Variants in MTSS1 observed in about 807,000 individuals in gnomAD.
MTSS1 encodes protein MTSS 1.
MTSS1 carries 18 observed loss-of-function variants against 79.0 expected under a neutral mutation model. The ratio of observed to expected loss-of-function variants is 0.23; its 90% CI spans 0.16 to 0.34. MTSS1 has a LOEUF of 0.34. Ranked by LOEUF, MTSS1 falls within the 10% of genes least tolerant of loss-of-function variation. The pLI, the probability that MTSS1 is intolerant of heterozygous loss-of-function variation, is 1.00. For missense variants in MTSS1, 815 were observed against 986.2 expected, an observed-to-expected ratio of 0.83 and a Z score of 2.33; for synonymous variants, 341 against 368.6, an observed-to-expected ratio of 0.93 and a Z score of 0.86.
intron 1 of MTSS1, among the ~76,000 whole-genome samples, chr8:124,706,596 GC>G (rs1427158243): frequency 6.6e-6 from 1 of 152,220 alleles, no homozygotes; most frequent in African/African-American, 2.4e-5. Context: ...CTAAGCAACA[GC>G]CGGGCAAGAA....
chr8:124,657,718 T>C (rs147303041), intron 3 of MTSS1, among the ~76,000 whole-genome samples: 25 of 152,320 alleles, frequency 1.6e-4, no homozygotes, highest in African/African-American at 3.1e-4. Flanking sequence ...CTTCTGATGA[T>C]ACACAGTGCC....
At chr8:124,603,563 A>G (rs1440876628) in intron 3 of MTSS1, among the ~76,000 whole-genome samples, 4 of 152,180 alleles carry the variant, frequency 2.6e-5, no homozygotes, top group Non-Finnish European at 5.9e-5. Context: ...TCAGCATTTT[A>G]TTTTTACCCT....
intron 2 of MTSS1, among the ~76,000 whole-genome samples, 167 bp from the exon 3 acceptor site, chr8:124,699,766 T>C (rs1406060204): frequency 6.6e-6 from 1 of 152,212 alleles, no homozygotes; most frequent in Non-Finnish European, 1.5e-5. Flanking sequence ...TTTTTCCAAG[T>C]ACTCCACCCG....
intron 5 of MTSS1, among the ~76,000 whole-genome samples, chr8:124,588,061 C>T (rs1344822988): frequency 6.6e-6 from 1 of 152,138 alleles, no homozygotes; most frequent in Non-Finnish European, 1.5e-5. Flanking sequence ...CATGCACGGG[C>T]ATGAAATACG....
rs1300797183 is a variant in MTSS1 at position 124,553,633 on chromosome 8, C to T, written c.1627G>A (p.Asp543Asn). The change falls in exon 14 of 14, where the codon GAC (aspartate) becomes AAC (asparagine). Residue 543 changes from aspartate (D) to asparagine (N), a missense_variant. Coordinates refer to ENST00000518547, the MANE Select transcript of MTSS1 (RefSeq NM_014751.6). This position sits in a 1 kb window ranked among gnomAD's most constrained non-coding sequence, Gnocchi z 6.0. Reference protein sequence around the residue: ...GDQEADQQEFDKSSTIPRNSD... With the variant: ...GDQEADQQEFNKSSTIPRNSD... ...TTTCTTGGAATGGTGGAGGACTTGT[C>T]GAACTCCTGCTGATCTGCCTCCTGG... is the stretch of plus-strand genomic sequence containing the variant. The T allele has an allele frequency of 5.0e-6, 8 of 1,613,946 alleles. No homozygotes were observed. The highest frequency in any genetic ancestry group is 2.7e-5 in the African/African-American group (2 of 74,900).
At chr8:124,717,758 C>T (rs1465824682) in intron 1 of MTSS1, among the ~76,000 whole-genome samples, 1 of 152,034 alleles carries the variant, frequency 6.6e-6, no homozygotes, top group Non-Finnish European at 1.5e-5. Context: ...TTCCCCATTG[C>T]ACATAATCCT....
chr8:124,626,584 G>C (rs1362597372), intron 3 of MTSS1, among the ~76,000 whole-genome samples: 7 of 152,090 alleles, frequency 4.6e-5, no homozygotes, highest in Admixed American at 3.3e-4. Context: ...GGGCTGGAGG[G>C]GGGCAGAGTG....
At chr8:124,573,811 T>G (rs547502089) in intron 6 of MTSS1, among the ~76,000 whole-genome samples, 1 of 152,340 alleles carries the variant, frequency 6.6e-6, no homozygotes, top group Admixed American at 6.5e-5. Flanking sequence ...TTTGTTTTTT[T>G]CCTGGTGCTA....
rs1822998531 is a variant in MTSS1, at chr8:124,553,795, A to T, written c.1568-103T>A. On this transcript the variant is annotated intron_variant, in intron 13 of 13. Transcript: ENST00000518547. This position sits in a 1 kb window ranked among gnomAD's most constrained non-coding sequence, Gnocchi z 6.0. ...GGCACGCAAGGCAGGGTACACACAC[A>T]GTCTCATCCCAAGCTTCCCCCAGGC... is the stretch of plus-strand genomic sequence containing the variant. 2 of 1,001,966 alleles carry T rather than the reference A, an allele frequency of 2.0e-6. No individual in the cohort carries two copies. Among genetic ancestry groups the T allele is most frequent in the Non-Finnish European group, 1.4e-6 (1 of 697,462 alleles). 62.1% of individuals were successfully genotyped at this position (1,001,966 alleles called of 1,614,324 possible).
At chr8:124,616,140 T>C (rs1051064776) in intron 3 of MTSS1, among the ~76,000 whole-genome samples, 4 of 152,248 alleles carry the variant, frequency 2.6e-5, no homozygotes, top group Middle Eastern at 3.4e-3. Flanking sequence ...AACCAACACA[T>C]TCAACATGAA....
intron 5 of MTSS1, among the ~76,000 whole-genome samples, chr8:124,588,570 T>C (rs191123767): frequency 6.6e-6 from 1 of 152,324 alleles, no homozygotes; most frequent in Admixed American, 6.5e-5. Flanking sequence ...CAAAGACTTG[T>C]CTCACCGACC....
At chr8:124,583,056 T>A (rs1037780744) in intron 6 of MTSS1, among the ~76,000 whole-genome samples, 9 of 152,230 alleles carry the variant, frequency 5.9e-5, no homozygotes, top group African/African-American at 1.9e-4. Context: ...TCTGGTGGTA[T>A]CTTGAAGTAA....
intron 2 of MTSS1, among the ~76,000 whole-genome samples, chr8:124,702,920 G>A (rs569825601): frequency 6.6e-6 from 1 of 152,142 alleles, no homozygotes; most frequent in Non-Finnish European, 1.5e-5. Context: ...AGATGCCAAC[G>A]TATTTTCTAT....
Position 124,707,998 on chromosome 8 carries a change from AG to A in MTSS1, c.73-3808del, listed in dbSNP as rs372010953. Among the ~76,000 whole-genome samples the A allele has an allele frequency of 7.5e-4, 115 of 152,384 alleles. 4 individuals carry two copies. In the South Asian group the frequency reaches 0.023, roughly 31 times the overall value. ...GTCACAGCCCTGCCAGTCATGGACT[AG>A]GGGAAATCATTTCACTTCTCAGGGA... On this transcript the variant is annotated intron_variant, in intron 1 of 13. Coordinates refer to ENST00000518547, the MANE Select transcript of MTSS1 (RefSeq NM_014751.6).
At chr8:124,631,368 C>T (rs1006439813) in intron 3 of MTSS1, among the ~76,000 whole-genome samples, 2 of 152,186 alleles carry the variant, frequency 1.3e-5, no homozygotes, top group Non-Finnish European at 2.9e-5. Context: ...GACATGAGCC[C>T]TTCTGGACCC....
At chr8:124,564,771 G>C (rs573243430) in intron 9 of MTSS1, 1 of 149,856 alleles carries the variant, frequency 6.7e-6, no homozygotes, top group South Asian at 2.1e-4. Flanking sequence ...AGAATGTCCA[G>C]GATGCAGCGT....
chr8:124,723,189 G>A (rs1434213846), intron 1 of MTSS1, among the ~76,000 whole-genome samples: 1 of 152,110 alleles, frequency 6.6e-6, no homozygotes, highest in Non-Finnish European at 1.5e-5. Flanking sequence ...CAATTTTTTA[G>A]TATATCTGAA....
intron 3 of MTSS1, among the ~76,000 whole-genome samples, chr8:124,607,520 G>C (rs1245243339): frequency 6.6e-6 from 1 of 152,176 alleles, no homozygotes; most frequent in Non-Finnish European, 1.5e-5. Context: ...TAGCAAACAA[G>C]AGGCTGGCTT....
chr8:124,704,213 A>G, intron 1 of MTSS1, 22 bp from the exon 2 acceptor site: 1 of 1,607,590 alleles, frequency 6.2e-7, no homozygotes, highest in South Asian at 1.1e-5. Context: ...CAAAGACATC[A>G]GTAAGTCACA....
Sources: allele counts gnomAD v4.1 joint callset (sites outside exome capture counted in the v4.1 genomes callset), GRCh38; gene constraint gnomAD v4.1.1; non-coding constraint Gnocchi (gnomAD v3.1); transcripts MANE v1.5; gene names NCBI Gene and HGNC (gene_info 2026-07-23, HGNC 2026-07-21).